The following CATSPERT variants were observed in gnomAD, a reference collection of about 807,000 sequenced individuals.
CATSPERT encodes the protein catsper channel auxiliary subunit tau.
chr2:201,586,311 C>A, the CATSPERT span, among the ~76,000 whole-genome samples: 1 of 151,728 alleles, frequency 6.6e-6, no homozygotes, highest in African/African-American at 2.4e-5. Flanking sequence ...GTTGTCCAAG[C>A]ATCAACCGTA....
the CATSPERT span, among the ~76,000 whole-genome samples, chr2:201,495,685 G>GTTTTTTT: frequency 7.6e-6 from 1 of 131,150 alleles, no homozygotes; most frequent in African/African-American, 2.8e-5. Flanking sequence ...AATCCCCTTG[G>GTTTTTTT]TTTTTTTTTT....
the CATSPERT span, chr2:201,618,911 G>A: frequency 9.3e-6 from 15 of 1,613,514 alleles, no homozygotes; most frequent in Non-Finnish European, 1.1e-5. Flanking sequence ...TTCAGCAGCC[G>A]GTGCCCGGTG....
chr2:201,494,082 T>C, the CATSPERT span: 3 of 1,535,200 alleles, frequency 2.0e-6, no homozygotes, highest in Non-Finnish European at 2.6e-6. Flanking sequence ...CAGGAATATT[T>C]TTAATTATTT....
the CATSPERT span, among the ~76,000 whole-genome samples, chr2:201,611,654 T>C: frequency 6.6e-6 from 1 of 150,546 alleles, no homozygotes; most frequent in South Asian, 2.2e-4. Context: ...TTTTAAACAT[T>C]AATGAAACTA....
chr2:201,530,450 A>G, the CATSPERT span, among the ~76,000 whole-genome samples: 1 of 152,252 alleles, frequency 6.6e-6, no homozygotes, highest in Non-Finnish European at 1.5e-5. Context: ...GTCTGTGGAT[A>G]AAATAATTGC....
At chr2:201,586,415 G>A in the CATSPERT span, among the ~76,000 whole-genome samples, 1 of 151,856 alleles carries the variant, frequency 6.6e-6, no homozygotes, top group Admixed American at 6.6e-5. Context: ...CACAAAAGAA[G>A]GTAATAGATT....
the CATSPERT span, among the ~76,000 whole-genome samples, chr2:201,593,479 C>G: frequency 7.0e-6 from 1 of 143,782 alleles, no homozygotes; most frequent in African/African-American, 2.6e-5. Flanking sequence ...GTGGAGAGTT[C>G]TGTAGATGTC....
the CATSPERT span, among the ~76,000 whole-genome samples, chr2:201,607,314 A>G: frequency 6.6e-6 from 1 of 152,240 alleles, no homozygotes; most frequent in Admixed American, 6.5e-5. Flanking sequence ...TTGCTGAATC[A>G]TAACAGAACC....
the CATSPERT span, among the ~76,000 whole-genome samples, chr2:201,490,814 C>G: frequency 2.8e-3 from 431 of 152,304 alleles, 2 homozygotes; most frequent in African/African-American, 9.6e-3. Context: ...AGCTCCGCCT[C>G]CCGGGTTCAT....
chr2:201,589,733 T>C, the CATSPERT span, among the ~76,000 whole-genome samples: 1 of 151,886 alleles, frequency 6.6e-6, no homozygotes, highest in African/African-American at 2.4e-5. Context: ...CCAAAAGCAA[T>C]CTCAACAAAA....
the CATSPERT span, among the ~76,000 whole-genome samples, chr2:201,539,776 T>A: frequency 3.5e-3 from 526 of 152,090 alleles, 4 homozygotes; most frequent in African/African-American, 0.012. Flanking sequence ...AACCCCAAAA[T>A]GGATCTAAGT....
At chr2:201,495,658 C>G in the CATSPERT span, among the ~76,000 whole-genome samples, 1 of 147,948 alleles carries the variant, frequency 6.8e-6, no homozygotes, top group Non-Finnish European at 1.5e-5. Flanking sequence ...TAGTGGATAC[C>G]AAGATGACAA....
the CATSPERT span, among the ~76,000 whole-genome samples, chr2:201,592,818 G>A: frequency 1.2e-4 from 18 of 152,142 alleles, no homozygotes; most frequent in East Asian, 3.9e-4. Flanking sequence ...CTGTGGGATC[G>A]GTGGTGATAT....
the CATSPERT span, among the ~76,000 whole-genome samples, chr2:201,615,601 G>A: frequency 6.6e-5 from 10 of 152,318 alleles, no homozygotes; most frequent in East Asian, 1.9e-3. Flanking sequence ...ACAAGAGAAA[G>A]CAGGAAAGAA....
At chr2:201,540,397 G>A in the CATSPERT span, among the ~76,000 whole-genome samples, 6 of 152,292 alleles carry the variant, frequency 3.9e-5, no homozygotes, top group South Asian at 8.3e-4. Flanking sequence ...TGGCTTCAAC[G>A]CTTCAAAGGA....
the CATSPERT span, among the ~76,000 whole-genome samples, chr2:201,515,206 T>TAG: frequency 1.4e-4 from 1 of 7,010 alleles, no homozygotes; most frequent in Non-Finnish European, 3.3e-4. Flanking sequence ...CCCATAGTTT[T>TAG]TTTTTTTTTT....
At chr2:201,597,101 C>G in the CATSPERT span, among the ~76,000 whole-genome samples, 1 of 152,166 alleles carries the variant, frequency 6.6e-6, no homozygotes, top group African/African-American at 2.4e-5. Context: ...CAATTCCTGG[C>G]AGATTATGTT....
the CATSPERT span, among the ~76,000 whole-genome samples, chr2:201,489,085 G>A: frequency 6.6e-6 from 1 of 152,156 alleles, no homozygotes; most frequent in Non-Finnish European, 1.5e-5. Flanking sequence ...TCCTTTGGGA[G>A]ATTCCTGGAT....
the CATSPERT span, among the ~76,000 whole-genome samples, chr2:201,617,723 T>C: frequency 6.6e-6 from 1 of 151,962 alleles, no homozygotes; most frequent in Admixed American, 6.6e-5. Flanking sequence ...CTAGTTAAAC[T>C]AAAGAGCTTC....
Sources: allele counts gnomAD v4.1 joint callset (sites outside exome capture counted in the v4.1 genomes callset), GRCh38; gene constraint gnomAD v4.1.1; transcripts MANE v1.5; gene names NCBI Gene and HGNC (gene_info 2026-07-23, HGNC 2026-07-21).